The following PTPRO variants were observed in gnomAD, a reference collection of about 807,000 sequenced individuals.
PTPRO encodes the protein protein tyrosine phosphatase receptor type O.
PTPRO carries 62 observed loss-of-function variants against 145.2 expected under a neutral mutation model. The ratio of observed to expected loss-of-function variants is 0.43; its 90% CI spans 0.35 to 0.53. PTPRO has a LOEUF of 0.53. PTPRO is among the 20% of genes least tolerant of loss of function. The pLI, the probability that PTPRO is intolerant of heterozygous loss-of-function variation, is 0.01. For synonymous variants in PTPRO, 565 were observed against 514.7 expected (o/e 1.10, Z -1.32); for missense variants, 1,345 against 1,482.7 (o/e 0.91, Z 1.53).
At chr12:15,566,581 C>T (rs1477138764) in intron 18 of PTPRO, among the ~76,000 whole-genome samples, 1 of 151,906 alleles carries the variant, frequency 6.6e-6, no homozygotes, top group Non-Finnish European at 1.5e-5. Context: ...AGTGCAGTGG[C>T]ACAATCTTGG....
chr12:15,524,083 G>A (rs1386300204), intron 10 of PTPRO, among the ~76,000 whole-genome samples: 2 of 147,426 alleles, frequency 1.4e-5, no homozygotes, highest in Non-Finnish European at 3.0e-5. Flanking sequence ...GGCATTCCCT[G>A]CTTAAATTTT....
At chr12:15,479,112 C>G (rs1941723442) in intron 1 of PTPRO, among the ~76,000 whole-genome samples, 1 of 152,176 alleles carries the variant, frequency 6.6e-6, no homozygotes, top group South Asian at 2.1e-4. Context: ...ATATGTAAAG[C>G]CTGAGACGGT....
intron 12 of PTPRO, among the ~76,000 whole-genome samples, chr12:15,546,013 C>T (rs1347044377): frequency 7.9e-6 from 1 of 126,962 alleles, no homozygotes; most frequent in African/African-American, 3.2e-5. Flanking sequence ...AGACCCCCGC[C>T]TCAAAAAAAA....
chr12:15,380,405 GAGA>G (rs1306500457), intron 1 of PTPRO, among the ~76,000 whole-genome samples: 1 of 151,922 alleles, frequency 6.6e-6, no homozygotes. Flanking sequence ...ATGAGGCAAG[GAGA>G]AGAAGAAAAG....
At chr12:15,444,327 C>T (rs1322041084) in intron 1 of PTPRO, among the ~76,000 whole-genome samples, 1 of 151,878 alleles carries the variant, frequency 6.6e-6, no homozygotes, top group East Asian at 1.9e-4. Flanking sequence ...ACAATGGGGA[C>T]TACTCAAGGG....
intron 2 of PTPRO, among the ~76,000 whole-genome samples, chr12:15,490,466 T>A (rs1225923587): frequency 6.6e-6 from 1 of 152,162 alleles, no homozygotes; most frequent in Admixed American, 6.6e-5. Context: ...CAAAATTTTA[T>A]TTTTTTATAC....
intron 1 of PTPRO, among the ~76,000 whole-genome samples, chr12:15,481,134 G>T (rs1173304993): frequency 6.6e-6 from 1 of 152,178 alleles, no homozygotes; most frequent in East Asian, 1.9e-4. Context: ...CTGTTTTCTT[G>T]TGTTTTATCC....
At chr12:15,554,402 T>C (rs1209146333) in intron 15 of PTPRO, among the ~76,000 whole-genome samples, 1 of 148,776 alleles carries the variant, frequency 6.7e-6, no homozygotes, top group Non-Finnish European at 1.5e-5. Flanking sequence ...TATATAGATA[T>C]AGTGTGTGTG....
chr12:15,467,433 T>C (rs1230348833), intron 1 of PTPRO, among the ~76,000 whole-genome samples: 4 of 151,886 alleles, frequency 2.6e-5, no homozygotes, highest in African/African-American at 9.7e-5. Flanking sequence ...TGTGTGTGTA[T>C]GTGTGTGTGT....
At chr12:15,474,432 C>T (rs539441997) in intron 1 of PTPRO, among the ~76,000 whole-genome samples, 1 of 152,212 alleles carries the variant, frequency 6.6e-6, no homozygotes, top group Middle Eastern at 3.4e-3. Flanking sequence ...TTTGCTGCCT[C>T]GGTTAGCTGG....
intron 1 of PTPRO, among the ~76,000 whole-genome samples, chr12:15,326,195 G>A (rs1866442214): frequency 2.6e-5 from 4 of 152,146 alleles, no homozygotes; most frequent in African/African-American, 9.7e-5. Context: ...GCACAGTGTT[G>A]GCAGGTGAAC....
chr12:15,492,934 A>G (rs1942028656), intron 2 of PTPRO, among the ~76,000 whole-genome samples: 1 of 152,218 alleles, frequency 6.6e-6, no homozygotes, highest in Non-Finnish European at 1.5e-5. Flanking sequence ...GACTTGAAAA[A>G]TGACATGAAT....
intron 12 of PTPRO, among the ~76,000 whole-genome samples, chr12:15,532,289 T>C (rs989807478): frequency 6.6e-6 from 1 of 152,176 alleles, no homozygotes; most frequent in Non-Finnish European, 1.5e-5. Context: ...TGGATTTAAA[T>C]ATGCCTTTTC....
At chr12:15,415,505 C>T (rs927400850) in intron 1 of PTPRO, among the ~76,000 whole-genome samples, 4 of 151,964 alleles carry the variant, frequency 2.6e-5, no homozygotes, top group African/African-American at 4.8e-5. Context: ...CTGCCTCAGC[C>T]TCCCGAGTAG....
chr12:15,526,149 G>A lies in PTPRO; in HGVS notation c.2051G>A (p.Arg684His), dbSNP rs1942832922. The A allele has an allele frequency of 1.2e-6, 2 of 1,613,846 alleles. No individual in the cohort carries two copies. Among genetic ancestry groups the A allele is most frequent in the Admixed American group, 1.7e-5 (1 of 60,010 alleles). ...ATTTTGATGATCTTGCAGGTAACAC[G>A]CAATGTCATGACTGCAATTCTCAGC... ...GKKKIKKSVTRNVMTAILSLP... is the reference protein window; with the variant it reads ...GKKKIKKSVTHNVMTAILSLP... Residue 684 changes from arginine (R) to histidine (H), a missense_variant, in exon 12 of 27, where the codon CGC (arginine) becomes CAC (histidine). By Grantham distance (29) the Arg-to-His change is conservative. Coordinates refer to ENST00000281171, the MANE Select transcript of PTPRO (RefSeq NM_030667.3).
At position 15,526,274 on chromosome 12, in the gene PTPRO, G is replaced by T. The variant is rs7134888; in HGVS notation, c.2164+12G>T. The stretch of plus-strand genomic sequence containing the variant: ...CCTTGTCAAGCTAGGTAAGAAGAGT[G>T]CACAGAGATGGGTGTGAAATAATCA... On this transcript the variant is annotated intron_variant, in intron 12 of 26. Transcript: ENST00000281171. 1.3e-5 allele frequency: 21 copies of T among 1,613,042 alleles called. No individual in the cohort carries two copies. Among genetic ancestry groups the T allele is most frequent in the Non-Finnish European group, 1.8e-5 (21 of 1,179,508 alleles).
intron 1 of PTPRO, among the ~76,000 whole-genome samples, chr12:15,351,984 C>G (rs1279750100): frequency 6.6e-6 from 1 of 152,156 alleles, no homozygotes; most frequent in Non-Finnish European, 1.5e-5. Context: ...GAAGATTATA[C>G]TAGACAATGC....
At chr12:15,434,275 T>G (rs1940534777) in intron 1 of PTPRO, among the ~76,000 whole-genome samples, 2 of 152,258 alleles carry the variant, frequency 1.3e-5, no homozygotes, top group Non-Finnish European at 2.9e-5. Context: ...TCAAATGCAC[T>G]AATTTTCAAT....
chr12:15,536,634 A>G (rs1943071359), intron 12 of PTPRO, among the ~76,000 whole-genome samples: 1 of 152,190 alleles, frequency 6.6e-6, no homozygotes, highest in African/African-American at 2.4e-5. Context: ...AACGGGTTTC[A>G]CTGGGTCACT....
Sources: gnomAD v4.1 joint callset for allele counts (sites outside exome capture counted in the v4.1 genomes callset) on GRCh38, gnomAD v4.1.1 for gene constraint, MANE v1.5 for transcripts, NCBI Gene and HGNC (gene_info 2026-07-23, HGNC 2026-07-21) for gene names.